The following BDNF variants were observed in gnomAD, a reference collection of about 807,000 sequenced individuals.
BDNF encodes neurotrophic factor BDNF precursor form.
In BDNF, 1 loss-of-function variant was observed where a neutral mutation model predicts 19.5. That is an observed-to-expected ratio of 0.05 (90% CI 0.02 to 0.24). The LOEUF (loss-of-function observed/expected upper bound fraction) is 0.24, where lower values mean the gene tolerates loss of function less well. Ranked by LOEUF, BDNF falls within the 10% of genes least tolerant of loss-of-function variation. BDNF has a pLI of 1.00. For synonymous variants in BDNF, 100 were observed against 121.6 expected (o/e 0.82, Z 1.17); for missense variants, 195 against 317.6 (o/e 0.61, Z 2.93).
chr11:27,708,551 GCTCT>G (rs1358621449), intron 1 of BDNF, among the ~76,000 whole-genome samples: 3 of 149,738 alleles, frequency 2.0e-5, no homozygotes, highest in Non-Finnish European at 4.4e-5. Context: ...ATATGATTTT[GCTCT>G]CTGTTTCTAG....
intron 1 of BDNF, among the ~76,000 whole-genome samples, chr11:27,695,749 C>T (rs1423412394): frequency 6.6e-6 from 1 of 151,982 alleles, no homozygotes; most frequent in East Asian, 1.9e-4. Flanking sequence ...ACTCAGCCCC[C>T]TAACTCACTT....
At chr11:27,718,924 G>T (rs1355696564) in intron 1 of BDNF, among the ~76,000 whole-genome samples, 1 of 152,088 alleles carries the variant, frequency 6.6e-6, no homozygotes, top group Non-Finnish European at 1.5e-5. Context: ...CGGGGGAGGA[G>T]TCCAGAACGA....
At chr11:27,699,398 C>T (rs1859619956) in intron 1 of BDNF, 2 of 1,614,166 alleles carry the variant, frequency 1.2e-6, no homozygotes, top group Non-Finnish European at 1.7e-6. Context: ...CTCTTCCCGG[C>T]TCTGCATCCC....
intron 1 of BDNF, chr11:27,674,571 A>C: frequency 2.0e-6 from 2 of 985,286 alleles, no homozygotes; most frequent in Non-Finnish European, 2.4e-6. Flanking sequence ...ATATAAGGAA[A>C]ATATTAACAT....
intron 1 of BDNF, chr11:27,675,724 T>G (rs1856009861): frequency 6.6e-6 from 1 of 151,950 alleles, no homozygotes; most frequent in Non-Finnish European, 1.5e-5. Flanking sequence ...CATCTCAAAT[T>G]TATTATCAAG....
intron 1 of BDNF, among the ~76,000 whole-genome samples, chr11:27,679,239 G>A (rs1423994588): frequency 6.6e-6 from 1 of 152,058 alleles, no homozygotes; most frequent in Admixed American, 6.6e-5. Flanking sequence ...CAAATATAAT[G>A]TCCTCTCACT....
upstream of BDNF, among the ~76,000 whole-genome samples, chr11:27,703,122 T>A (rs1859977476): frequency 6.6e-6 from 1 of 152,164 alleles, no homozygotes; most frequent in Non-Finnish European, 1.5e-5. Flanking sequence ...GTGGAATATT[T>A]AATGTATGTG....
intron 1 of BDNF, chr11:27,696,377 G>T (rs766653004): frequency 1.2e-4 from 19 of 152,208 alleles, no homozygotes; most frequent in Non-Finnish European, 2.1e-4. Flanking sequence ...GATGCAGAGT[G>T]TAACCAGTAA....
At chr11:27,709,459 T>C (rs533590873) in intron 1 of BDNF, among the ~76,000 whole-genome samples, 4 of 152,236 alleles carry the variant, frequency 2.6e-5, no homozygotes, top group Non-Finnish European at 5.9e-5. Flanking sequence ...AGTGTTGTTA[T>C]GCTTATGTTT....
At chr11:27,690,418 A>AT (rs1314031473) in intron 1 of BDNF, among the ~76,000 whole-genome samples, 4 of 151,410 alleles carry the variant, frequency 2.6e-5, no homozygotes, top group African/African-American at 4.8e-5. Context: ...TGATCCTGTG[A>AT]TTTTTTTCTT....
At chr11:27,701,233 AG>A, upstream of BDNF, 1 of 1,179,490 alleles carries the variant, frequency 8.5e-7, no homozygotes, top group Non-Finnish European at 1.1e-6. Flanking sequence ...ACCTCGCTAA[AG>A]CCACACGCTT....
chr11:27,680,438 C>G (rs369288223), intron 1 of BDNF, among the ~76,000 whole-genome samples: 1 of 152,208 alleles, frequency 6.6e-6, no homozygotes. Flanking sequence ...AAGAGTTCAA[C>G]ATTAGCGAGC....
intron 1 of BDNF, among the ~76,000 whole-genome samples, chr11:27,665,720 A>T (rs930830219): frequency 1.3e-5 from 2 of 152,112 alleles, no homozygotes; most frequent in Admixed American, 6.5e-5. Context: ...AGGCTGGGGG[A>T]GGGGTGTCCA....
intron 1 of BDNF, among the ~76,000 whole-genome samples, chr11:27,660,748 G>A (rs1422575166): frequency 6.7e-6 from 1 of 150,068 alleles, no homozygotes; most frequent in Non-Finnish European, 1.5e-5. Context: ...TGCAGCCTGG[G>A]TGACCAGAGT....
chr11:27,698,226 C>CAAAAAAAAAAAAAAAAAA lies in BDNF; in HGVS notation c.-22+1920_-22+1937dup, dbSNP rs10626744. ...CCTGCTAACCCAGAGGTAAATTTCC[C>CAAAAAAAAAAAAAAAAAA]AAAAAAAAAAAAAAAAAAAAAAAAA... On this transcript the variant is annotated intron_variant, in intron 1 of 1. Transcript: ENST00000356660. 8 of 80,822 alleles carry CAAAAAAAAAAAAAAAAAA rather than the reference C, an allele frequency of 9.9e-5. 2 individuals are homozygous for CAAAAAAAAAAAAAAAAAA. Among genetic ancestry groups the CAAAAAAAAAAAAAAAAAA allele is most frequent in the East Asian group, 9.7e-4 (2 of 2,058 alleles). 5.0% of individuals were successfully genotyped at this position (80,822 alleles called of 1,614,324 possible).
At chr11:27,675,630 C>T (rs1404493891) in intron 1 of BDNF, 3 of 152,158 alleles carry the variant, frequency 2.0e-5, no homozygotes, top group African/African-American at 7.2e-5. Context: ...TGCTACGTGA[C>T]TTGTGACCCA....
At position 27,658,853 on chromosome 11, in the gene BDNF, A is replaced by C; in HGVS notation, c.-21-268T>G. On this transcript the variant is annotated intron_variant, in intron 1 of 1. Transcript: ENST00000356660. The surrounding 1 kb of genome is among the most constrained non-coding windows in gnomAD (Gnocchi z 5.7). ...AGATGGCTTCTAAGCAAGTGCAAAA[A>C]TTGTGGCTTCAAGTTCTCCTTCTTC... The C allele has an allele frequency of 7.6e-7, 1 of 1,324,384 alleles. No individual in the cohort carries two copies. Among genetic ancestry groups the C allele is most frequent in the South Asian group, 1.9e-5 (1 of 53,016 alleles). 82.0% of individuals were successfully genotyped at this position (1,324,384 alleles called of 1,614,324 possible).
intron 1 of BDNF, among the ~76,000 whole-genome samples, chr11:27,718,104 C>A (rs531797397): frequency 6.6e-6 from 1 of 152,166 alleles, no homozygotes; most frequent in South Asian, 2.1e-4. Context: ...TAGGCAGCAG[C>A]GAGTATTCGC....
intron 1 of BDNF, among the ~76,000 whole-genome samples, chr11:27,719,138 G>T (rs970963979): frequency 6.6e-6 from 1 of 152,194 alleles, no homozygotes; most frequent in Non-Finnish European, 1.5e-5. Context: ...CCCCGGGGGT[G>T]CAGGCGGGGG....
Sources: allele counts gnomAD v4.1 joint callset (sites outside exome capture counted in the v4.1 genomes callset), GRCh38; gene constraint gnomAD v4.1.1; non-coding constraint Gnocchi (gnomAD v3.1); transcripts MANE v1.5; gene names NCBI Gene and HGNC (gene_info 2026-07-23, HGNC 2026-07-21).